The following ANKRD30A variants were observed in gnomAD, a reference collection of about 807,000 sequenced individuals.
ANKRD30A encodes ankyrin repeat domain 30A, also known as ankyrin repeat domain-containing protein 30A.
In ANKRD30A, 170 loss-of-function variants were observed where a neutral mutation model predicts 166.3. That is an observed-to-expected ratio of 1.02 (90% CI 0.90 to 1.16). ANKRD30A has a LOEUF of 1.16. Among genes scored for constraint, ANKRD30A ranks in the 50% most tolerant of loss-of-function variants. The probability of loss-of-function intolerance (pLI) is 0.00; values close to 1 mark genes in which losing one functional copy is unlikely to be tolerated. For missense variants in ANKRD30A, 1,630 were observed against 1,518.0 expected, an observed-to-expected ratio of 1.07 and a Z score of -1.23; for synonymous variants, 564 against 508.9, an observed-to-expected ratio of 1.11 and a Z score of -1.46.
chr10:37,151,969 G>A, intron 11 of ANKRD30A, 91 bp from the exon 12 acceptor site: 2 of 1,182,346 alleles, frequency 1.7e-6, no homozygotes, highest in Non-Finnish European at 1.2e-6. Context: ...AAAAACCACA[G>A]ATTCGTGAAT....
chr10:37,129,740 C>A (rs1836261891), intron 1 of ANKRD30A, among the ~76,000 whole-genome samples, 153 bp from the exon 2 acceptor site: 1 of 146,896 alleles, frequency 6.8e-6, no homozygotes, highest in African/African-American at 2.5e-5. Context: ...GTAATGAGAG[C>A]AAATGAATGT....
Position 37,219,409 on chromosome 10 carries a change from A to G in ANKRD30A, c.3697A>G (p.Arg1233Gly). The G allele has an allele frequency of 6.2e-7, 1 of 1,610,594 alleles. No homozygotes were observed. The highest frequency in any genetic ancestry group is 8.5e-7 in the Non-Finnish European group (1 of 1,177,762). Residue 1233 changes from arginine (R) to glycine (G), a missense_variant, in exon 34 of 36, where the codon AGA (arginine) becomes GGA (glycine). Physicochemically the swap from Arg to Gly is moderately radical, Grantham distance 125. Transcript: ENST00000361713. ...FHIAGDACLQ[R>G]KMNVDVSSTI... ...CATTGCAGGAGATGCTTGTTTGCAA[A>G]GAAAAATGAATGTTGATGTGAGTAG...
chr10:37,219,988 AATATATATATATATATATATATAT>A (rs71007624), intron 34 of ANKRD30A, 91 bp downstream of exon 34: 15 of 187,910 alleles, frequency 8.0e-5, no homozygotes, highest in East Asian at 1.2e-4. Context: ...AATCTAGTTG[AATATATATATATATATATATATAT>A]ATATATATAT....
intron 15 of ANKRD30A, among the ~76,000 whole-genome samples, chr10:37,159,908 A>G (rs1217539613): frequency 6.6e-6 from 1 of 152,008 alleles, no homozygotes; most frequent in Non-Finnish European, 1.5e-5. Flanking sequence ...GTTAGCCAGG[A>G]TGGTCTGATC....
At chr10:37,226,412 T>C (rs1843157474) in intron 34 of ANKRD30A, among the ~76,000 whole-genome samples, 1 of 151,456 alleles carries the variant, frequency 6.6e-6, no homozygotes, top group African/African-American at 2.4e-5. Flanking sequence ...TCCAGCTTCA[T>C]CCATGGCAAA....
chr10:37,157,567 A>G (rs140376389), intron 13 of ANKRD30A, among the ~76,000 whole-genome samples: 3 of 152,120 alleles, frequency 2.0e-5, no homozygotes, highest in African/African-American at 7.2e-5. Context: ...TGTTTCCAAA[A>G]TAGTGATTTT....
chr10:37,254,181 C>A, the ANKRD30A span, among the ~76,000 whole-genome samples: 1 of 152,038 alleles, frequency 6.6e-6, no homozygotes, highest in Non-Finnish European at 1.5e-5. Flanking sequence ...ACATTTAGGA[C>A]CAAGCTTTTG....
intron 8 of ANKRD30A, among the ~76,000 whole-genome samples, chr10:37,147,062 A>G (rs1588784551): frequency 6.6e-6 from 1 of 152,256 alleles, no homozygotes; most frequent in African/African-American, 2.4e-5. Flanking sequence ...TTGGTGAGGA[A>G]GATAAAGTAA....
intron 11 of ANKRD30A, among the ~76,000 whole-genome samples, chr10:37,151,682 A>G (rs1437021594): frequency 3.3e-5 from 5 of 152,154 alleles, no homozygotes; most frequent in Non-Finnish European, 7.4e-5. Flanking sequence ...AATCAAACTA[A>G]GTAATACTAC....
rs543537072 is a variant in ANKRD30A at position 37,225,741 on chromosome 10, A to C, written c.4186-5720A>C. On this transcript the variant is annotated intron_variant, in intron 34 of 35. Coordinates refer to ENST00000361713, the MANE Select transcript of ANKRD30A (RefSeq NM_052997.3). ...GAACACTGGCCAATGATACAAAAGC[A>C]AGCAGTACGCCATCCTATGATGACT... Among the ~76,000 whole-genome samples, 153 of 151,908 alleles carry C rather than the reference A, an allele frequency of 1.0e-3. 1 individual carries two copies. Among genetic ancestry groups the C allele is most frequent in the East Asian group, 8.0e-3 (41 of 5,122 alleles).
rs1183353440 is a variant in ANKRD30A at position 37,212,599 on chromosome 10, C to T, written c.2870-3582C>T. On this transcript the variant is annotated intron_variant, in intron 31 of 35. Coordinates refer to ENST00000361713, the MANE Select transcript of ANKRD30A (RefSeq NM_052997.3). Reference sequence around the variant, plus strand: ...CAAAAGAACAAAGCTGCAGGCATCACGCTACCTGACTTCAAACTATACCAC... The same window carrying T: ...CAAAAGAACAAAGCTGCAGGCATCATGCTACCTGACTTCAAACTATACCAC... Among the ~76,000 whole-genome samples, 12 of 152,138 alleles carry T rather than the reference C, an allele frequency of 7.9e-5. No individual in the cohort carries two copies. The East Asian group carries it at 9.7e-4, about 12-fold the overall frequency.
downstream of ANKRD30A, among the ~76,000 whole-genome samples, chr10:37,236,558 C>T (rs564956560): frequency 5.9e-5 from 9 of 152,284 alleles, no homozygotes; most frequent in East Asian, 1.6e-3. Flanking sequence ...GGTAAATCTT[C>T]CCTCCTCCCA....
chr10:37,138,575 C>T (rs535125020), intron 6 of ANKRD30A, among the ~76,000 whole-genome samples: 102 of 152,166 alleles, frequency 6.7e-4, no homozygotes, highest in African/African-American at 1.9e-3. Context: ...AACTATGTGA[C>T]GAATGCACAA....
chr10:37,133,798 C>T, intron 4 of ANKRD30A, 118 bp from the exon 5 acceptor site: 1 of 1,233,348 alleles, frequency 8.1e-7, no homozygotes, highest in Admixed American at 2.2e-5. Context: ...AGGATAAACA[C>T]TTGAGCACTC....
intron 6 of ANKRD30A, among the ~76,000 whole-genome samples, chr10:37,137,342 C>T (rs1365968247): frequency 2.6e-5 from 4 of 152,080 alleles, no homozygotes; most frequent in Admixed American, 1.3e-4. Flanking sequence ...CTGAGGTACC[C>T]GGTTCATCTC....
chr10:37,237,577 A>G, the ANKRD30A span, among the ~76,000 whole-genome samples: 5 of 152,048 alleles, frequency 3.3e-5, no homozygotes, highest in Admixed American at 6.6e-5. Context: ...TTTTTCTCCC[A>G]TGTATAATTT....
At chr10:37,203,072 A>G (rs996945376) in intron 31 of ANKRD30A, among the ~76,000 whole-genome samples, 24 of 152,216 alleles carry the variant, frequency 1.6e-4, no homozygotes, top group Non-Finnish European at 3.5e-4. Context: ...AGGAGCTGAT[A>G]CCATTCCTTC....
intron 31 of ANKRD30A, among the ~76,000 whole-genome samples, chr10:37,213,620 A>T (rs1842456671): frequency 6.7e-6 from 1 of 148,304 alleles, no homozygotes; most frequent in Non-Finnish European, 1.5e-5. Context: ...GAGTCTTCTA[A>T]TGTAGACATT....
chr10:37,245,422 C>A, the ANKRD30A span, among the ~76,000 whole-genome samples: 1 of 150,986 alleles, frequency 6.6e-6, no homozygotes, highest in Non-Finnish European at 1.5e-5. Flanking sequence ...GGTTTTATTT[C>A]TTTTTTTTTC....
Sources: allele counts gnomAD v4.1 joint callset (sites outside exome capture counted in the v4.1 genomes callset), GRCh38; gene constraint gnomAD v4.1.1; transcripts MANE v1.5; gene names NCBI Gene and HGNC (gene_info 2026-07-23, HGNC 2026-07-21).